DTWD1: variants seen among roughly 807,000 people sequenced by gnomAD.
DTWD1 encodes tRNA-uridine aminocarboxypropyltransferase 1.
In DTWD1, 27 loss-of-function variants were observed where a neutral mutation model predicts 30.2. The observed-to-expected ratio is 0.90, with a 90% confidence interval of 0.66 to 1.23. DTWD1 has a LOEUF of 1.23. Ranked by LOEUF, DTWD1 falls within the 50% of genes most tolerant of loss-of-function variation. The pLI is 0.00. For missense variants in DTWD1, 342 were observed against 348.8 expected, an observed-to-expected ratio of 0.98 and a Z score of 0.15; for synonymous variants, 99 against 113.1, an observed-to-expected ratio of 0.88 and a Z score of 0.79.
chr15:49,625,531 T>G, intron 2 of DTWD1, 100 bp downstream of exon 2: 1 of 1,208,534 alleles, frequency 8.3e-7, no homozygotes. Flanking sequence ...AATAATGTTA[T>G]TATTGTTAGA....
chr15:49,629,413 T>C (rs1271068292), intron 2 of DTWD1, among the ~76,000 whole-genome samples: 1 of 152,228 alleles, frequency 6.6e-6, no homozygotes, highest in African/African-American at 2.4e-5. Flanking sequence ...GTTCTTGATA[T>C]AAATGATACC....
Position 49,645,484 on chromosome 15 carries a change from AT to A in DTWD1, c.*1907del, listed in dbSNP as rs1363006758. On this transcript the variant is annotated 3_prime_UTR_variant, in exon 5 of 5. Coordinates refer to ENST00000403028, the MANE Select transcript of DTWD1 (RefSeq NM_001144955.2). Reference sequence around the variant, plus strand: ...TTATTTTAGCAGTTATTCTACAAGAATGGAATTAAAATAGATTTTTTTTTTC... The same window carrying A: ...TTATTTTAGCAGTTATTCTACAAGAAGGAATTAAAATAGATTTTTTTTTTC... 2 of 152,164 alleles carry A rather than the reference AT, an allele frequency of 1.3e-5. No individual in the cohort carries two copies. Among genetic ancestry groups the A allele is most frequent in the African/African-American group, 4.8e-5 (2 of 41,450 alleles). 9.4% of individuals were successfully genotyped at this position (152,164 alleles called of 1,614,324 possible).
intron 3 of DTWD1, 23 bp downstream of exon 3, chr15:49,632,325 C>T (rs750934986): frequency 1.2e-5 from 19 of 1,567,250 alleles, no homozygotes; most frequent in Non-Finnish European, 1.5e-5. Context: ...GTTTTTATAA[C>T]TCTTCACATT....
At chr15:49,625,888 G>A (rs1465607509) in intron 2 of DTWD1, among the ~76,000 whole-genome samples, 1 of 144,328 alleles carries the variant, frequency 6.9e-6, no homozygotes, top group Non-Finnish European at 1.5e-5. Context: ...AGAGTGGGAG[G>A]GTTGTTTGCA....
rs1471184297 is a variant in DTWD1, at chr15:49,624,107, ACTT to A, written c.-55-1000_-55-998del. 6.6e-5 allele frequency among the ~76,000 whole-genome samples: 10 copies of A among 151,796 alleles called. No homozygotes were observed. The East Asian group carries it at 1.5e-3, about 23-fold the overall frequency. On this transcript the variant is annotated intron_variant, in intron 1 of 4. Transcript: ENST00000403028. ...ATGAGTAATTAAATTAGTGCCACTA[ACTT>A]CTTCTCAGCAAATTATGTTGTATTT...
rs1385943378 is a variant in DTWD1 at position 49,651,261 on chromosome 15, T to C, written c.*7683T>C. ...GCACAGAAAGTCTAGAATAGAGGCATGTGAATGGACATACTTGTGTCAAGT... is the reference window on the plus strand; with the variant it reads ...GCACAGAAAGTCTAGAATAGAGGCACGTGAATGGACATACTTGTGTCAAGT... On this transcript the variant is annotated 3_prime_UTR_variant, in exon 5 of 5. Coordinates refer to ENST00000403028, the MANE Select transcript of DTWD1 (RefSeq NM_001144955.2). 1 of 152,118 alleles carries C rather than the reference T, an allele frequency of 6.6e-6. No individual in the cohort carries two copies. The highest frequency in any genetic ancestry group is 2.4e-5 in the African/African-American group (1 of 41,424). 9.4% of individuals were successfully genotyped at this position (152,118 alleles called of 1,614,324 possible). A position where few individuals can be genotyped will look rare whatever the true frequency, so the allele number is the denominator to read the frequency against.
intron 2 of DTWD1, chr15:49,629,956 G>C (rs982099024): frequency 1.3e-4 from 19 of 151,952 alleles, no homozygotes; most frequent in Non-Finnish European, 2.6e-4. Flanking sequence ...TAATTGTCCA[G>C]GAAGAAAAAA....
intron 4 of DTWD1, among the ~76,000 whole-genome samples, chr15:49,635,299 T>C (rs905334100): frequency 3.3e-5 from 5 of 152,108 alleles, no homozygotes; most frequent in Admixed American, 3.3e-4. Flanking sequence ...CCTCCCAAAG[T>C]GCTGGGATTA....
Position 49,624,499 on chromosome 15 carries a change from C to G in DTWD1, c.-55-614C>G, listed in dbSNP as rs979755263. On this transcript the variant is annotated intron_variant, in intron 1 of 4. Coordinates refer to ENST00000403028, the MANE Select transcript of DTWD1 (RefSeq NM_001144955.2). Reference sequence around the variant, plus strand: ...TGTATGTTTTTAAAAAACATAAATTCTTAGAGTAAGTGGACATTAATGTTA... The same window carrying G: ...TGTATGTTTTTAAAAAACATAAATTGTTAGAGTAAGTGGACATTAATGTTA... Among the ~76,000 whole-genome samples the G allele has an allele frequency of 2.0e-5, 3 of 152,010 alleles. 1 individual carries two copies. The highest frequency in any genetic ancestry group is 7.3e-5 in the African/African-American group (3 of 41,368).
Position 49,652,877 on chromosome 15 carries a change from T to TCTG in DTWD1, c.*9302_*9304dup. ...CCTCCAACTGTCAGCTCCTTCAGAG[T>TCTG]CTGCTTCAACTGCAGAAGGACACTG... On this transcript the variant is annotated 3_prime_UTR_variant, in exon 5 of 5. Coordinates refer to ENST00000403028, the MANE Select transcript of DTWD1 (RefSeq NM_001144955.2). 1 of 152,198 alleles carries TCTG rather than the reference T, an allele frequency of 6.6e-6. No individual in the cohort carries two copies. Among genetic ancestry groups the TCTG allele is most frequent in the East Asian group, 1.9e-4 (1 of 5,160 alleles). 9.4% of individuals were successfully genotyped at this position (152,198 alleles called of 1,614,324 possible). A position where few individuals can be genotyped will look rare whatever the true frequency, so the allele number is the denominator to read the frequency against.
intron 4 of DTWD1, among the ~76,000 whole-genome samples, 168 bp from the exon 5 acceptor site, chr15:49,643,163 A>G (rs1026047460): frequency 6.6e-6 from 1 of 152,096 alleles, no homozygotes; most frequent in South Asian, 2.1e-4. Context: ...GGTGTTTAAG[A>G]AAATATCTTG....
At chr15:49,638,319 T>A (rs1379817040) in intron 4 of DTWD1, among the ~76,000 whole-genome samples, 2 of 152,304 alleles carry the variant, frequency 1.3e-5, no homozygotes, top group East Asian at 3.9e-4. Flanking sequence ...TGTTATTCCT[T>A]CCCAATTCAC....
intron 1 of DTWD1, among the ~76,000 whole-genome samples, chr15:49,623,973 C>T (rs1285709212): frequency 1.3e-5 from 2 of 151,826 alleles, no homozygotes; most frequent in African/African-American, 4.8e-5. Flanking sequence ...GTACATTTGG[C>T]AAGTGCCTTT....
intron 3 of DTWD1, 53 bp from the exon 4 acceptor site, chr15:49,634,483 T>C: frequency 6.7e-7 from 1 of 1,499,138 alleles, no homozygotes; most frequent in East Asian, 2.3e-5. Flanking sequence ...TCAAAATTTA[T>C]ATATTTTGAA....
chr15:49,637,910 G>GA (rs1177428456), intron 4 of DTWD1, among the ~76,000 whole-genome samples: 1 of 152,192 alleles, frequency 6.6e-6, no homozygotes, highest in Non-Finnish European at 1.5e-5. Context: ...AAGTTGCTTT[G>GA]AAAGTCTAAT....
rs1341905881 is a variant in DTWD1 at position 49,634,671 on chromosome 15, G to A, written c.544G>A (p.Glu182Lys). The A allele has an allele frequency of 1.9e-6, 3 of 1,613,654 alleles. No individual in the cohort carries two copies. The South Asian group carries it at 3.3e-5, about 18-fold the overall frequency. The part of the protein sequence containing the change: ...DKPSFKRKRT[E>K]EQEFCDLNDS... ...GCCATCTTTTAAACGCAAAAGAACT[G>A]AAGAACAAGAGTTCTGTGATTTGAA... The change falls in exon 4 of 5, where the codon GAA (glutamate) becomes AAA (lysine). Residue 182 changes from glutamate to lysine, a missense_variant. Coordinates refer to ENST00000403028, the MANE Select transcript of DTWD1 (RefSeq NM_001144955.2).
rs1460000095 is a variant in DTWD1, at chr15:49,646,355, G to A, written c.*2777G>A. Reference sequence around the variant, plus strand: ...ATCATCTTCTTCAAGTACCTTAGAAGATTCTCAGTCTCATGTTTCTTGGGC... The same window carrying A: ...ATCATCTTCTTCAAGTACCTTAGAAAATTCTCAGTCTCATGTTTCTTGGGC... On this transcript the variant is annotated 3_prime_UTR_variant, in exon 5 of 5. Transcript: ENST00000403028. The A allele has an allele frequency of 6.6e-6, 1 of 152,188 alleles. No individual in the cohort carries two copies. The highest frequency in any genetic ancestry group is 1.5e-5 in the Non-Finnish European group (1 of 68,048). The allele number at this position is 152,188 out of a possible 1,614,324, so 9.4% of individuals were successfully genotyped here. A position where few individuals can be genotyped will look rare whatever the true frequency, so the allele number is the denominator to read the frequency against.
chr15:49,629,779 C>T (rs975142793), intron 2 of DTWD1: 1 of 152,104 alleles, frequency 6.6e-6, no homozygotes, highest in African/African-American at 2.4e-5. Flanking sequence ...GCAATTGGGC[C>T]TAACTTATAA....
Position 49,644,923 on chromosome 15 carries a change from A to G in DTWD1, c.*1345A>G, listed in dbSNP as rs1022287284. 9 of 152,026 alleles carry G rather than the reference A, an allele frequency of 5.9e-5. No homozygotes were observed. The South Asian group carries it at 1.5e-3, about 25-fold the overall frequency. 9.4% of individuals were successfully genotyped at this position (152,026 alleles called of 1,614,324 possible). A position where few individuals can be genotyped will look rare whatever the true frequency, so the allele number is the denominator to read the frequency against. ...ATGTCCCCACTTGAAATAGCCTTCT[A>G]TTTCTTTTGGGGACTCTGATAAATT... On this transcript the variant is annotated 3_prime_UTR_variant, in exon 5 of 5. Transcript: ENST00000403028.
Sources: gnomAD v4.1 joint callset for allele counts (sites outside exome capture counted in the v4.1 genomes callset) on GRCh38, gnomAD v4.1.1 for gene constraint, MANE v1.5 for transcripts, NCBI Gene and HGNC (gene_info 2026-07-23, HGNC 2026-07-21) for gene names.